Variants in CEP76 observed in about 807,000 individuals in gnomAD.
CEP76 encodes the protein centrosomal protein of 76 kDa.
In CEP76, 55 loss-of-function variants were observed where a neutral mutation model predicts 83.3. The observed-to-expected ratio is 0.66, with a 90% CI of 0.53 to 0.83. CEP76 has a LOEUF of 0.83. Ranked by LOEUF, CEP76 falls within the 40% of genes least tolerant of loss-of-function variation. CEP76 has a pLI of 0.00. For missense variants in CEP76, 694 were observed against 799.5 expected (o/e 0.87, Z 1.59); for synonymous variants, 270 against 274.5 (o/e 0.98, Z 0.16).
At chr18:12,690,515 G>A (rs893708123) in intron 7 of CEP76, among the ~76,000 whole-genome samples, 10 of 151,890 alleles carry the variant, frequency 6.6e-5, no homozygotes, top group Non-Finnish European at 5.9e-5. Context: ...GACTGCAGTG[G>A]TGCGATCTCG....
At chr18:12,701,843 G>A (rs898121081) in intron 1 of CEP76, among the ~76,000 whole-genome samples, 1 of 152,180 alleles carries the variant, frequency 6.6e-6, no homozygotes, top group Non-Finnish European at 1.5e-5. Context: ...AAGAAACCCT[G>A]ATATCTGCCG....
chr18:12,663,298 G>A (rs2038736411), intron 12 of CEP76, among the ~76,000 whole-genome samples: 1 of 152,164 alleles, frequency 6.6e-6, no homozygotes, highest in African/African-American at 2.4e-5. Context: ...TATTCTTTGA[G>A]ACAGGCTCTT....
chr18:12,691,883 A>AT (rs1335534425), intron 6 of CEP76, among the ~76,000 whole-genome samples: 1 of 150,802 alleles, frequency 6.6e-6, no homozygotes, highest in Non-Finnish European at 1.5e-5. Flanking sequence ...ACTCAGCTAA[A>AT]TTTTTTTTTG....
intron 7 of CEP76, among the ~76,000 whole-genome samples, chr18:12,687,865 T>C (rs1253506337): frequency 1.3e-5 from 2 of 152,096 alleles, no homozygotes; most frequent in Non-Finnish European, 2.9e-5. Context: ...TAGTGTGGTA[T>C]AAGAATACTA....
In CEP76 at chr18:12,678,411, G is replaced by C. The variant is rs759114067; in HGVS notation, c.1321C>G (p.Pro441Ala). The change falls in exon 10 of 12, where the codon CCT becomes GCT. Residue 441 changes from proline to alanine, a missense_variant. Coordinates refer to ENST00000262127, the MANE Select transcript of CEP76 (RefSeq NM_024899.4). ...GGTTTGGGCTGTTCAGCAACTGGAGGTTCATCAGGATTGGTAGGTTTATGG... is the reference window on the plus strand; with the variant it reads ...GGTTTGGGCTGTTCAGCAACTGGAGCTTCATCAGGATTGGTAGGTTTATGG... ...YIHKPTNPDE[P>A]PVAEQPKPLY... 1.9e-6 allele frequency: 3 copies of C among 1,613,262 alleles called. No individual in the cohort carries two copies. In the African/African-American group the frequency reaches 4.0e-5, roughly 22 times the overall value.
intron 11 of CEP76, among the ~76,000 whole-genome samples, 182 bp downstream of exon 11, chr18:12,674,354 G>GT (rs372589421): frequency 6.6e-5 from 10 of 151,550 alleles, no homozygotes; most frequent in African/African-American, 2.4e-4. Context: ...AGGTGGAAGG[G>GT]TCACTTGGGC....
chr18:12,699,256 G>T, intron 3 of CEP76, 53 bp from the exon 4 acceptor site: 1 of 1,246,558 alleles, frequency 8.0e-7, no homozygotes, highest in Non-Finnish European at 1.2e-6. Flanking sequence ...TTAAAAGAAT[G>T]TGATCAAGAC....
At chr18:12,678,694 T>C (rs1466197737) in intron 9 of CEP76, among the ~76,000 whole-genome samples, 2 of 152,066 alleles carry the variant, frequency 1.3e-5, no homozygotes, top group Admixed American at 6.6e-5. Flanking sequence ...AAAGGCCGGA[T>C]GCGGTAGTCC....
At chr18:12,689,638 T>C (rs75825321) in intron 7 of CEP76, among the ~76,000 whole-genome samples, 8,565 of 152,238 alleles carry the variant, frequency 0.056, 350 homozygotes, top group Non-Finnish European at 0.083. Flanking sequence ...TTTCAACTTC[T>C]TCCTCCTCTT....
At chr18:12,669,212 A>T (rs530005928), downstream of CEP76, among the ~76,000 whole-genome samples, 1 of 151,632 alleles carries the variant, frequency 6.6e-6, no homozygotes, top group East Asian at 1.9e-4. Context: ...TCCCAGATTG[A>T]AGCGATTCTC....
upstream of CEP76, chr18:12,702,741 G>A (rs2040203485): frequency 4.9e-6 from 3 of 616,782 alleles, no homozygotes; most frequent in Admixed American, 3.3e-5. Flanking sequence ...CGGCGGCGGC[G>A]GCGCCAACTG....
At chr18:12,674,989 C>T (rs1441519840) in intron 10 of CEP76, among the ~76,000 whole-genome samples, 1 of 152,116 alleles carries the variant, frequency 6.6e-6, no homozygotes, top group Non-Finnish European at 1.5e-5. Flanking sequence ...AAACAATGTT[C>T]ACAAAGTCTC....
At chr18:12,699,501 C>T (rs923178433) in intron 3 of CEP76, among the ~76,000 whole-genome samples, 8 of 152,132 alleles carry the variant, frequency 5.3e-5, no homozygotes, top group African/African-American at 1.9e-4. Context: ...TCCAACATTC[C>T]TCCACCTTCA....
At chr18:12,700,886 AACCTTATAAGTAGTGT>A in intron 2 of CEP76, 56 bp downstream of exon 2, 1 of 1,276,236 alleles carries the variant, frequency 7.8e-7, no homozygotes, top group East Asian at 2.3e-5. Flanking sequence ...CCCACATCGG[AACCTTATAAGTAGTGT>A]TACGCATTAG....
At chr18:12,676,337 G>A (rs554552303) in intron 10 of CEP76, among the ~76,000 whole-genome samples, 101 of 139,006 alleles carry the variant, frequency 7.3e-4, no homozygotes, top group Non-Finnish European at 8.0e-4. Flanking sequence ...AGGCTGGAGT[G>A]CAGTGGCACA....
chr18:12,682,240 A>G (rs968520658), intron 8 of CEP76, among the ~76,000 whole-genome samples: 1 of 150,192 alleles, frequency 6.7e-6, no homozygotes, highest in Non-Finnish European at 1.5e-5. Flanking sequence ...TCTCAGCTCA[A>G]TGCTGCCTTG....
intron 4 of CEP76, among the ~76,000 whole-genome samples, chr18:12,698,251 CAG>C (rs1338346913): frequency 2.6e-5 from 4 of 151,500 alleles, no homozygotes; most frequent in Non-Finnish European, 5.9e-5. Flanking sequence ...TTTATTTAAA[CAG>C]AGTCTCACTC....
chr18:12,668,068 C>A (rs919236242), downstream of CEP76, among the ~76,000 whole-genome samples: 2 of 151,958 alleles, frequency 1.3e-5, no homozygotes, highest in Non-Finnish European at 2.9e-5. Context: ...AGTTTGAAAC[C>A]AGCCTGGCCA....
chr18:12,699,220 T>C lies in CEP76; in HGVS notation c.296-17A>G, dbSNP rs1480358913. 2 of 1,527,302 alleles carry C rather than the reference T, an allele frequency of 1.3e-6. No individual in the cohort carries two copies. Among genetic ancestry groups the C allele is most frequent in the East Asian group, 2.3e-5 (1 of 44,380 alleles). 94.6% of individuals were successfully genotyped at this position (1,527,302 alleles called of 1,614,324 possible). On this transcript the variant is annotated splice_polypyrimidine_tract_variant and intron_variant, in intron 3 of 11. Coordinates refer to ENST00000262127, the MANE Select transcript of CEP76 (RefSeq NM_024899.4). ...CAATATTAGCTGTAAAGTGTAGCAA[T>C]ATATATGAGGAAACTGCCAAATAAC...
Sources: gnomAD v4.1 joint callset for allele counts (sites outside exome capture counted in the v4.1 genomes callset) on GRCh38, gnomAD v4.1.1 for gene constraint, MANE v1.5 for transcripts, NCBI Gene and HGNC (gene_info 2026-07-23, HGNC 2026-07-21) for gene names.